The following RALGDS variants were observed in gnomAD, a reference collection of about 807,000 sequenced individuals.
RALGDS encodes ral guanine nucleotide exchange factor.
In RALGDS, 44 loss-of-function variants were observed where a neutral mutation model predicts 99.8. The observed-to-expected ratio is 0.44, with a 90% CI of 0.35 to 0.57. The LOEUF is 0.57. Among genes scored for constraint, RALGDS ranks in the 20% least tolerant of loss-of-function variants. RALGDS has a pLI of 0.01. For synonymous variants in RALGDS, 529 were observed against 505.0 expected (o/e 1.05, Z -0.64); for missense variants, 1,022 against 1,203.1 (o/e 0.85, Z 2.23).
intron 13 of RALGDS, 86 bp from the exon 14 acceptor site, chr9:133,102,657 G>A (rs998349431): frequency 5.3e-5 from 85 of 1,604,164 alleles, no homozygotes; most frequent in Non-Finnish European, 1.3e-5. Context: ...GAGTCGGGGT[G>A]CCCCGGCCAT....
At chr9:133,128,079 C>T (rs1465074511) in intron 1 of RALGDS, among the ~76,000 whole-genome samples, 1 of 152,190 alleles carries the variant, frequency 6.6e-6, no homozygotes, top group Non-Finnish European at 1.5e-5. Context: ...GGCTGCAAAT[C>T]GGGGGCCGCT....
At chr9:133,136,643 G>A (rs891736160) in intron 1 of RALGDS, among the ~76,000 whole-genome samples, 3 of 151,904 alleles carry the variant, frequency 2.0e-5, no homozygotes, top group East Asian at 1.9e-4. Flanking sequence ...GCGTGGTGGC[G>A]GCGCCTGTAA....
At chr9:133,128,184 GC>G (rs994229780) in intron 1 of RALGDS, among the ~76,000 whole-genome samples, 90 of 151,344 alleles carry the variant, frequency 5.9e-4, no homozygotes, top group African/African-American at 2.2e-3. Flanking sequence ...CATGTGACAG[GC>G]CGAAGTGGAG....
At chr9:133,139,843 T>A (rs1832490457) in intron 1 of RALGDS, among the ~76,000 whole-genome samples, 1 of 152,004 alleles carries the variant, frequency 6.6e-6, no homozygotes, top group Non-Finnish European at 1.5e-5. Context: ...CTCAGGAACA[T>A]CTCATACTCC....
chr9:133,121,954 C>T (rs981825599), upstream of RALGDS, among the ~76,000 whole-genome samples: 4 of 152,170 alleles, frequency 2.6e-5, no homozygotes, highest in African/African-American at 9.7e-5. Context: ...GGCAAAGCCC[C>T]ACACTATCCC....
rs1832161682 is a variant in RALGDS, at chr9:133,126,372, T to A, written c.132+4580A>T. Among the ~76,000 whole-genome samples, 3 of 152,226 alleles carry A rather than the reference T, an allele frequency of 2.0e-5. No homozygotes were observed. The South Asian group carries it at 6.2e-4, about 32-fold the overall frequency. On this transcript the variant is annotated intron_variant, in intron 1 of 17. Transcript: ENST00000372062. ...TGTGAACTGACAGCTGGCAGCCAGA[T>A]CCCACCCACACATGTGTTTTGTTTG...
At chr9:133,148,532 C>G (rs1832663309) in intron 1 of RALGDS, among the ~76,000 whole-genome samples, 1 of 152,222 alleles carries the variant, frequency 6.6e-6, no homozygotes, top group African/African-American at 2.4e-5. Flanking sequence ...CTACTCTGAG[C>G]CCCAGGAAGT....
At chr9:133,126,820 A>G (rs1832177311) in intron 1 of RALGDS, among the ~76,000 whole-genome samples, 1 of 152,186 alleles carries the variant, frequency 6.6e-6, no homozygotes, top group Non-Finnish European at 1.5e-5. Flanking sequence ...GCGAGGAGCG[A>G]TTCCTTGGGC....
chr9:133,121,242 T>G, upstream of RALGDS: 1 of 980,426 alleles, frequency 1.0e-6, no homozygotes, highest in Non-Finnish European at 1.2e-6. Flanking sequence ...GCCACCGCTG[T>G]GAGCCCGCGG....
intron 11 of RALGDS, 80 bp from the exon 12 acceptor site, chr9:133,103,342 A>G (rs1830851890): frequency 6.4e-7 from 1 of 1,574,104 alleles, no homozygotes; most frequent in Non-Finnish European, 8.7e-7. Flanking sequence ...TGCACTATCA[A>G]GAGTGCCCAC....
At position 133,101,760 on chromosome 9, in the gene RALGDS, G is replaced by A; in HGVS notation, c.2214C>T (p.Phe738=). The part of the protein sequence containing the change: ...PESPDGQEKK[F]WESASQSSPE... ...GGGATGACTGTGAGGCTGATTCCCA[G>A]AACTGAGGGAGACGGTAAGATCAGC... Residue 738 remains phenylalanine (F), a splice_region_variant and synonymous_variant, in exon 16 of 18, where the codon TTC becomes TTT. Coordinates refer to ENST00000372050, the MANE Select transcript of RALGDS (RefSeq NM_006266.4). 1 of 1,605,614 alleles carries A rather than the reference G, an allele frequency of 6.2e-7. No homozygotes were observed. Among genetic ancestry groups the A allele is most frequent in the Non-Finnish European group, 8.5e-7 (1 of 1,175,962 alleles).
rs2119151649 is a variant in RALGDS at position 133,107,214 on chromosome 9, G to A, written c.1284C>T (p.Pro428=). The A allele has an allele frequency of 6.2e-7, 1 of 1,613,726 alleles. No homozygotes were observed. Among genetic ancestry groups the A allele is most frequent in the African/African-American group, 1.3e-5 (1 of 75,074 alleles). The part of the protein sequence containing the change: ...RDKKGKEHLA[P]TIRATVTQFN... Reference sequence around the variant, plus strand: ...ACTGGGTGACAGTGGCGCGGATGGTGGGCGCCAGGTGCTCCTTGCCCTTCT... The same window carrying A: ...ACTGGGTGACAGTGGCGCGGATGGTAGGCGCCAGGTGCTCCTTGCCCTTCT... The change falls in exon 7 of 18, where the codon CCC becomes CCT. Residue 428 remains proline, a synonymous_variant. Transcript: ENST00000372050.
chr9:133,143,786 C>CAACAACAACAAT (rs1398814466), intron 1 of RALGDS, among the ~76,000 whole-genome samples: 5 of 125,546 alleles, frequency 4.0e-5, no homozygotes, highest in African/African-American at 1.4e-4. Context: ...ACAACAACAA[C>CAACAACAACAAT]AATAATAATA....
At chr9:133,100,195 G>T in intron 17 of RALGDS, 73 bp downstream of exon 17, 1 of 1,392,640 alleles carries the variant, frequency 7.2e-7, no homozygotes, top group Non-Finnish European at 1.0e-6. Context: ...TGGGGCCAAA[G>T]GCTTCCAACC....
At chr9:133,132,236 G>A (rs747913935), upstream of RALGDS, among the ~76,000 whole-genome samples, 2 of 152,230 alleles carry the variant, frequency 1.3e-5, no homozygotes, top group African/African-American at 2.4e-5. Context: ...CCAGCGAAGA[G>A]GTCACTGTCT....
intron 3 of RALGDS, 55 bp downstream of exon 3, chr9:133,110,241 G>C (rs373949335): frequency 3.9e-6 from 6 of 1,534,080 alleles, no homozygotes; most frequent in Non-Finnish European, 5.4e-6. Flanking sequence ...GCAGCCAGGT[G>C]GGGGTGGGGG....
chr9:133,115,960 G>A (rs1180091014), intron 1 of RALGDS, among the ~76,000 whole-genome samples: 1 of 152,258 alleles, frequency 6.6e-6, no homozygotes, highest in African/African-American at 2.4e-5. Flanking sequence ...TCCTGCGACA[G>A]TGCGGGGCCC....
chr9:133,121,102 G>A lies in RALGDS; in HGVS notation c.53C>T (p.Pro18Leu), dbSNP rs777637593. The change falls in exon 1 of 18, where the codon CCG (proline) becomes CTG (leucine). Residue 18 changes from proline to leucine, a missense_variant. Physicochemically the swap from Pro to Leu is moderately conservative, Grantham distance 98 (BLOSUM62 -3). Around this residue, in one of 3 missense-constraint regions of RALGDS, gnomAD observed 180 missense variants for 169.3 expected, o/e 1.06. Coordinates refer to ENST00000372050, the MANE Select transcript of RALGDS (RefSeq NM_006266.4). ...EAAGPAGGAE[P>L]LFPGSRRSRS... ...GCTCCGCCGGGAGCCCGGAAACAGC[G>A]GCTCGGCGCCGCCAGCAGGCCCGGC... 5 of 1,472,776 alleles carry A rather than the reference G, an allele frequency of 3.4e-6. No individual in the cohort carries two copies. The South Asian group carries it at 3.8e-5, about 11-fold the overall frequency. 91.2% of individuals were successfully genotyped at this position (1,472,776 alleles called of 1,614,324 possible). A position where few individuals can be genotyped will look rare whatever the true frequency, so the allele number is the denominator to read the frequency against.
chr9:133,117,496 C>A (rs1156993511), intron 1 of RALGDS, among the ~76,000 whole-genome samples: 1 of 152,248 alleles, frequency 6.6e-6, no homozygotes, highest in African/African-American at 2.4e-5. Flanking sequence ...AGGTGTCCTG[C>A]CCCGCCCGCC....
Sources: allele counts gnomAD v4.1 joint callset (sites outside exome capture counted in the v4.1 genomes callset), GRCh38; gene constraint gnomAD v4.1.1; regional missense constraint gnomAD v4.1.1; transcripts MANE v1.5; gene names NCBI Gene and HGNC (gene_info 2026-07-23, HGNC 2026-07-21).